Variants in EPHA4 observed in about 807,000 individuals in gnomAD.
EPHA4 encodes EPH receptor A4.
In EPHA4, 19 loss-of-function variants were observed where a neutral mutation model predicts 108.3. The observed-to-expected ratio is 0.18, with a 90% CI of 0.12 to 0.26. The LOEUF (loss-of-function observed/expected upper bound fraction) is 0.26. EPHA4 is among the 10% of genes least tolerant of loss of function. EPHA4 has a pLI of 1.00. For synonymous variants in EPHA4, 449 were observed against 455.5 expected (o/e 0.99, Z 0.18); for missense variants, 917 against 1,254.0 (o/e 0.73, Z 4.06).
rs533066170 is a variant in EPHA4 at position 221,532,005 on chromosome 2, C to T, written c.824-30833G>A. Among the ~76,000 whole-genome samples the T allele has an allele frequency of 2.6e-5, 4 of 152,246 alleles. No individual in the cohort carries two copies. The South Asian group carries it at 8.3e-4, about 32-fold the overall frequency. ...CCCATCACTGACCCCTTTCTTTTAC[C>T]AAGGGAGTAGCCAGTGCTCTTTCAA... is the stretch of plus-strand genomic sequence containing the variant. On this transcript the variant is annotated intron_variant, in intron 3 of 17. Coordinates refer to ENST00000281821, the MANE Select transcript of EPHA4 (RefSeq NM_004438.5).
intron 17 of EPHA4, among the ~76,000 whole-genome samples, chr2:221,424,627 TC>T (rs573034192): frequency 6.6e-6 from 1 of 152,210 alleles, no homozygotes; most frequent in Non-Finnish European, 1.5e-5. Flanking sequence ...TTTCAGTAGT[TC>T]AACTTTCTGA....
At chr2:221,447,953 T>G (rs1690646300) in intron 8 of EPHA4, among the ~76,000 whole-genome samples, 1 of 152,024 alleles carries the variant, frequency 6.6e-6, no homozygotes, top group South Asian at 2.1e-4. Context: ...GCGATCCTCC[T>G]GCCTCAGCCT....
intron 3 of EPHA4, among the ~76,000 whole-genome samples, chr2:221,546,156 C>T (rs1030436517): frequency 6.6e-6 from 1 of 152,118 alleles, no homozygotes; most frequent in African/African-American, 2.4e-5. Context: ...CACGATATAT[C>T]CAGGCATTCA....
At chr2:221,538,902 G>A (rs1693750422) in intron 3 of EPHA4, among the ~76,000 whole-genome samples, 1 of 152,144 alleles carries the variant, frequency 6.6e-6, no homozygotes, top group Non-Finnish European at 1.5e-5. Flanking sequence ...GACTGAATAG[G>A]ACTCTATGTA....
rs143468920 is a variant in EPHA4 at position 221,567,257 on chromosome 2, A to G, written c.159+1461T>C. 2.6e-4 allele frequency among the ~76,000 whole-genome samples: 40 copies of G among 152,324 alleles called. No homozygotes were observed. The East Asian group carries it at 7.5e-3, about 29-fold the overall frequency. ...ACTGACACTTTCCATCCTTAATTTTACCAGCAGTTCTAATACATTTTAACC... is the reference window on the plus strand; with the variant it reads ...ACTGACACTTTCCATCCTTAATTTTGCCAGCAGTTCTAATACATTTTAACC... On this transcript the variant is annotated intron_variant, in intron 2 of 17. Coordinates refer to ENST00000281821, the MANE Select transcript of EPHA4 (RefSeq NM_004438.5).
intron 11 of EPHA4, among the ~76,000 whole-genome samples, chr2:221,438,803 A>T (rs1268607876): frequency 6.6e-6 from 1 of 152,092 alleles, no homozygotes; most frequent in African/African-American, 2.4e-5. Context: ...AAAATAAAAA[A>T]AATCACACTT....
At chr2:221,567,014 A>AGAAGAAGAAGAAGAAGAAGAAGAGG (rs1694688950) in intron 2 of EPHA4, among the ~76,000 whole-genome samples, 1 of 149,096 alleles carries the variant, frequency 6.7e-6, no homozygotes. Context: ...AAGAAGAAAA[A>AGAAGAAGAAGAAGAAGAAGAAGAGG]AATGTCTGCA....
At chr2:221,498,790 CTTTTTTTTTTTT>C (rs757231773) in intron 4 of EPHA4, among the ~76,000 whole-genome samples, 1 of 135,668 alleles carries the variant, frequency 7.4e-6, no homozygotes, top group Non-Finnish European at 1.6e-5. Flanking sequence ...TTTTTTTTTT[CTTTTTTTTTTTT>C]TTTTTGAGAC....
At chr2:221,522,218 C>A (rs1420464270) in intron 3 of EPHA4, among the ~76,000 whole-genome samples, 3 of 152,188 alleles carry the variant, frequency 2.0e-5, no homozygotes, top group Non-Finnish European at 4.4e-5. Context: ...ATGCTACATT[C>A]ATCGTTGAAG....
intron 5 of EPHA4, among the ~76,000 whole-genome samples, chr2:221,465,591 C>T (rs558964559): frequency 8.5e-5 from 13 of 152,188 alleles, no homozygotes; most frequent in South Asian, 2.1e-4. Context: ...TTTGTATCTA[C>T]GGTAGTTCAT....
intron 4 of EPHA4, among the ~76,000 whole-genome samples, chr2:221,489,317 C>T (rs942462332): frequency 6.6e-6 from 1 of 152,162 alleles, no homozygotes; most frequent in African/African-American, 2.4e-5. Context: ...TACGGTGTAA[C>T]GTGCCATATA....
At chr2:221,565,618 T>C (rs1474569579) in intron 2 of EPHA4, among the ~76,000 whole-genome samples, 1 of 152,218 alleles carries the variant, frequency 6.6e-6, no homozygotes, top group East Asian at 1.9e-4. Context: ...TGGCAAACTC[T>C]TAATGGATGG....
At chr2:221,518,650 G>T (rs1365724020) in intron 3 of EPHA4, among the ~76,000 whole-genome samples, 1 of 152,180 alleles carries the variant, frequency 6.6e-6, no homozygotes, top group Non-Finnish European at 1.5e-5. Context: ...GCTGTACGAA[G>T]ATCATTTCAG....
At chr2:221,429,329 C>A (rs945163838) in intron 15 of EPHA4, among the ~76,000 whole-genome samples, 3 of 152,146 alleles carry the variant, frequency 2.0e-5, no homozygotes, top group African/African-American at 7.2e-5. Context: ...TCATTTTGCT[C>A]ATTCCAAGAA....
chr2:221,426,725 G>A (rs2106089400), intron 15 of EPHA4, 106 bp from the exon 16 acceptor site: 1 of 1,046,492 alleles, frequency 9.6e-7, no homozygotes, highest in Non-Finnish European at 1.4e-6. Flanking sequence ...AAAAGCTAAG[G>A]GAAGGTTTTA....
chr2:221,502,607 C>A (rs1386599491), intron 3 of EPHA4: 22 of 470,932 alleles, frequency 4.7e-5, no homozygotes, highest in Non-Finnish European at 8.8e-5. Flanking sequence ...TGTCACTACT[C>A]ATCCATCAAG....
intron 3 of EPHA4, among the ~76,000 whole-genome samples, chr2:221,546,401 G>A (rs1693999193): frequency 6.6e-6 from 1 of 152,054 alleles, no homozygotes; most frequent in Non-Finnish European, 1.5e-5. Context: ...AAAAAATCCG[G>A]AATTAAAGCA....
intron 5 of EPHA4, among the ~76,000 whole-genome samples, chr2:221,459,192 C>A (rs1441780961): frequency 6.6e-6 from 1 of 152,090 alleles, no homozygotes; most frequent in African/African-American, 2.4e-5. Context: ...CATAGTCACA[C>A]AAGGGAGTCT....
At chr2:221,515,387 G>A (rs1409318645) in intron 3 of EPHA4, among the ~76,000 whole-genome samples, 4 of 152,132 alleles carry the variant, frequency 2.6e-5, no homozygotes, top group East Asian at 3.9e-4. Flanking sequence ...GAGCCACCAC[G>A]GCCAGCCAAG....
Sources: allele counts gnomAD v4.1 joint callset (sites outside exome capture counted in the v4.1 genomes callset), GRCh38; gene constraint gnomAD v4.1.1; transcripts MANE v1.5; gene names NCBI Gene and HGNC (gene_info 2026-07-23, HGNC 2026-07-21).